The following STN1 variants were observed in gnomAD, a reference collection of about 807,000 sequenced individuals.
STN1 encodes the protein CST complex subunit STN1.
STN1 carries 29 observed loss-of-function variants against 45.5 expected under a neutral mutation model. That is an observed-to-expected ratio of 0.64 (90% CI 0.47 to 0.87). The LOEUF is 0.87. Ranked by LOEUF, STN1 falls within the 40% of genes least tolerant of loss-of-function variation. The probability of loss-of-function intolerance (pLI) is 0.00; values close to 1 mark genes in which losing one functional copy is unlikely to be tolerated. For missense variants in STN1, 376 were observed against 441.4 expected (o/e 0.85, Z 1.33); for synonymous variants, 148 against 159.0 (o/e 0.93, Z 0.52).
At chr10:103,915,478 A>G (rs138526781) in intron 2 of STN1, among the ~76,000 whole-genome samples, 23 of 152,326 alleles carry the variant, frequency 1.5e-4, no homozygotes, top group Non-Finnish European at 2.8e-4. Context: ...CGCTCCTATC[A>G]CTCAGGAAAC....
chr10:103,907,418 C>A (rs1165068145), intron 3 of STN1, among the ~76,000 whole-genome samples: 1 of 152,156 alleles, frequency 6.6e-6, no homozygotes, highest in Non-Finnish European at 1.5e-5. Context: ...GATTTTAAGA[C>A]TTTAAATACT....
At position 103,881,870 on chromosome 10, in the gene STN1, A is replaced by G. The variant is rs1013040242; in HGVS notation, c.*814T>C. Among the ~76,000 whole-genome samples, 1 of 152,178 alleles carries G rather than the reference A, an allele frequency of 6.6e-6. No individual in the cohort carries two copies. The highest frequency in any genetic ancestry group is 1.5e-5 in the Non-Finnish European group (1 of 68,030). ...GGGCACATACCGAGTCTTTGTCTGG[A>G]TGGTGTCAGCACATCCTGCACACTC... On this transcript the variant is annotated 3_prime_UTR_variant, in exon 10 of 10. Transcript: ENST00000224950.
intron 3 of STN1, among the ~76,000 whole-genome samples, chr10:103,908,431 C>T (rs1843258142): frequency 6.6e-6 from 1 of 152,034 alleles, no homozygotes; most frequent in Admixed American, 6.6e-5. Flanking sequence ...CTTGTTTCAG[C>T]TGCGGGATGA....
At chr10:103,915,043 T>C (rs1843321418) in intron 2 of STN1, among the ~76,000 whole-genome samples, 1 of 152,202 alleles carries the variant, frequency 6.6e-6, no homozygotes. Flanking sequence ...CTTATGATTA[T>C]AGTTTTATCC....
At position 103,897,551 on chromosome 10, in the gene STN1, G is replaced by A. The variant is rs2134364779; in HGVS notation, c.750C>T (p.Asp250=). 2 of 1,613,874 alleles carry A rather than the reference G, an allele frequency of 1.2e-6. No homozygotes were observed. The highest frequency in any genetic ancestry group is 2.2e-5 in the South Asian group (2 of 91,076). Residue 250 remains aspartate, a synonymous_variant, in exon 7 of 10, where the codon GAC becomes GAT. Coordinates refer to ENST00000224950, the MANE Select transcript of STN1 (RefSeq NM_024928.5). ...NQPVIHSASS[D]QVNFKKDTTS... ...CACATGGGCATGCTGCACTCACTTG[G>A]TCGGAGGAGGCACTGTGAATCACAG...
chr10:103,897,442 TG>T, intron 7 of STN1, 105 bp downstream of exon 7: 1 of 1,004,148 alleles, frequency 1.0e-6, no homozygotes, highest in Non-Finnish European at 1.6e-6. Flanking sequence ...CTCCGTTCCC[TG>T]GGTCAACTCT....
At chr10:103,914,677 A>C (rs1450368746) in intron 2 of STN1, among the ~76,000 whole-genome samples, 4 of 151,888 alleles carry the variant, frequency 2.6e-5, no homozygotes, top group Non-Finnish European at 2.9e-5. Flanking sequence ...TGCAAAAAAA[A>C]CCCAAAAACA....
In STN1 at chr10:103,907,761, C is replaced by T. The variant is rs1396625945; in HGVS notation, c.230-2605G>A. Among the ~76,000 whole-genome samples the T allele has an allele frequency of 3.3e-5, 5 of 151,978 alleles. No individual in the cohort carries two copies. The East Asian group carries it at 9.7e-4, about 29-fold the overall frequency. On this transcript the variant is annotated intron_variant, in intron 3 of 9. Transcript: ENST00000224950. ...AAGGACATTTTGCGTTAAAAAAATG[C>T]ATGGCACTTCCAGGCACACCACTTC...
intron 9 of STN1, among the ~76,000 whole-genome samples, chr10:103,888,750 C>T (rs1044875674): frequency 1.3e-5 from 2 of 152,170 alleles, no homozygotes; most frequent in Non-Finnish European, 2.9e-5. Flanking sequence ...AGTGTGGTGA[C>T]CTCACTGTAT....
At chr10:103,915,256 T>C (rs1033332610) in intron 2 of STN1, among the ~76,000 whole-genome samples, 1 of 152,186 alleles carries the variant, frequency 6.6e-6, no homozygotes, top group South Asian at 2.1e-4. Context: ...AACTGAATGA[T>C]TGGCCACATA....
intron 8 of STN1, among the ~76,000 whole-genome samples, chr10:103,889,695 C>CTTTTTTTTTTTTT (rs58738841): frequency 2.5e-5 from 3 of 122,096 alleles, no homozygotes; most frequent in African/African-American, 6.7e-5. Context: ...TTTCTTTTTC[C>CTTTTTTTTTTTTT]TTTTTTTTTT....
intron 3 of STN1, among the ~76,000 whole-genome samples, 184 bp downstream of exon 3, chr10:103,910,343 A>G (rs758108917): frequency 6.6e-6 from 1 of 152,018 alleles, no homozygotes; most frequent in African/African-American, 2.4e-5. Flanking sequence ...TATCATTCCT[A>G]CCCGTTGCCT....
intron 2 of STN1, among the ~76,000 whole-genome samples, chr10:103,916,526 A>G (rs1451865722): frequency 6.6e-6 from 1 of 152,256 alleles, no homozygotes; most frequent in Non-Finnish European, 1.5e-5. Flanking sequence ...ACTGGAAACA[A>G]ACAAAACCTT....
At chr10:103,903,067 A>G (rs995222976) in intron 4 of STN1, among the ~76,000 whole-genome samples, 3 of 152,236 alleles carry the variant, frequency 2.0e-5, no homozygotes, top group African/African-American at 7.2e-5. Flanking sequence ...AAACTGAAAC[A>G]ATGACTAAAA....
At position 103,880,514 on chromosome 10, in the gene STN1, A is replaced by C. The variant is rs967737472; in HGVS notation, c.*2170T>G. Among the ~76,000 whole-genome samples the C allele has an allele frequency of 3.3e-5, 5 of 151,842 alleles. No individual in the cohort carries two copies. The highest frequency in any genetic ancestry group is 4.9e-5 in the African/African-American group (2 of 41,150). On this transcript the variant is annotated 3_prime_UTR_variant, in exon 10 of 10. Coordinates refer to ENST00000224950, the MANE Select transcript of STN1 (RefSeq NM_024928.5). Reference sequence around the variant, plus strand: ...CCTAGGCATTTGGCTGCCTCATGTCACTATCAGGAGCAAGCCTGGGGTCAG... The same window carrying C: ...CCTAGGCATTTGGCTGCCTCATGTCCCTATCAGGAGCAAGCCTGGGGTCAG...
intron 2 of STN1, among the ~76,000 whole-genome samples, chr10:103,912,855 G>A (rs558323434): frequency 6.6e-6 from 1 of 152,342 alleles, no homozygotes; most frequent in East Asian, 1.9e-4. Flanking sequence ...CTTCCTGGCT[G>A]CCAGGTACTT....
chr10:103,898,845 C>T, intron 6 of STN1, 32 bp downstream of exon 6: 1 of 1,611,932 alleles, frequency 6.2e-7, no homozygotes, highest in Non-Finnish European at 8.5e-7. Context: ...CTGCCGTGGT[C>T]ACGTGCTCAG....
At chr10:103,895,990 T>A (rs1475724887) in intron 7 of STN1, among the ~76,000 whole-genome samples, 1 of 152,112 alleles carries the variant, frequency 6.6e-6, no homozygotes, top group African/African-American at 2.4e-5. Context: ...CTACCATCTG[T>A]GTGAAACAGA....
intron 7 of STN1, among the ~76,000 whole-genome samples, chr10:103,896,469 C>T (rs1204512879): frequency 1.3e-5 from 2 of 152,030 alleles, no homozygotes; most frequent in Non-Finnish European, 2.9e-5. Context: ...AAATGAGTCA[C>T]GTTACAACAA....
Sources: allele counts gnomAD v4.1 joint callset (sites outside exome capture counted in the v4.1 genomes callset), GRCh38; gene constraint gnomAD v4.1.1; transcripts MANE v1.5; gene names NCBI Gene and HGNC (gene_info 2026-07-23, HGNC 2026-07-21).